CSNK2A1: variants seen among roughly 807,000 people sequenced by gnomAD.
The protein encoded by CSNK2A1 is casein kinase 2 alpha 1.
CSNK2A1 carries 10 observed loss-of-function variants against 62.9 expected under a neutral mutation model. The observed-to-expected ratio is 0.16, with a 90% confidence interval of 0.10 to 0.27. The LOEUF (loss-of-function observed/expected upper bound fraction) is 0.27. Ranked by LOEUF, CSNK2A1 falls within the 10% of genes least tolerant of loss-of-function variation. The pLI is 1.00. For synonymous variants in CSNK2A1, 124 were observed against 167.8 expected (o/e 0.74, Z 2.02); for missense variants, 160 against 492.0 (o/e 0.33, Z 6.38).
intron 2 of CSNK2A1, among the ~76,000 whole-genome samples, chr20:518,428 G>C (rs893425465): frequency 1.3e-5 from 2 of 152,180 alleles, no homozygotes; most frequent in African/African-American, 2.4e-5. Context: ...TCTTAAGCTT[G>C]TTTTAAGGTG....
rs1485319220 is a variant in CSNK2A1 at position 481,092 on chromosome 20, C to G, written c.*2869G>C. The G allele has an allele frequency of 6.6e-6, 1 of 152,164 alleles. No individual in the cohort carries two copies. The highest frequency in any genetic ancestry group is 1.9e-4 in the East Asian group (1 of 5,204). The allele number at this position is 152,164 out of a possible 1,614,324, so 9.4% of individuals were successfully genotyped here. ...GTGTCGGTTGGAGAAGCATATTGCTCAGGCTGCAGGGACATTTCATTTATT... is the reference window on the plus strand; with the variant it reads ...GTGTCGGTTGGAGAAGCATATTGCTGAGGCTGCAGGGACATTTCATTTATT... On this transcript the variant is annotated 3_prime_UTR_variant, in exon 14 of 14. Transcript: ENST00000217244.
In CSNK2A1 at chr20:537,130, A is replaced by C. The variant is rs930432916; in HGVS notation, c.-227+6542T>G. 3.3e-5 allele frequency among the ~76,000 whole-genome samples: 5 copies of C among 152,224 alleles called. No homozygotes were observed. In the East Asian group the frequency reaches 5.8e-4, roughly 18 times the overall value. ...AAATTAAAATGTTTCAGCTAATAAA[A>C]ACCTGTCAGAAAAACCCACAAGACA... On this transcript the variant is annotated intron_variant, in intron 1 of 13. Transcript: ENST00000217244.
At chr20:497,882 T>C in intron 6 of CSNK2A1, 102 bp from the exon 7 acceptor site, 9 of 1,026,010 alleles carry the variant, frequency 8.8e-6, no homozygotes, top group Non-Finnish European at 1.3e-5. Flanking sequence ...CATTTACCGT[T>C]GTTCCAAGAT....
intron 2 of CSNK2A1, among the ~76,000 whole-genome samples, chr20:518,135 C>G (rs1470583433): frequency 6.6e-6 from 1 of 152,090 alleles, no homozygotes; most frequent in Non-Finnish European, 1.5e-5. Flanking sequence ...CTGGCCCACT[C>G]ATCTTTAAAT....
At chr20:541,180 G>T (rs542932294) in intron 1 of CSNK2A1, 1 of 152,274 alleles carries the variant, frequency 6.6e-6, no homozygotes, top group East Asian at 1.9e-4. Flanking sequence ...CCCAGTTGGA[G>T]AAAGTTCTCT....
chr20:475,373 T>A lies in CSNK2A1; in HGVS notation c.*8588A>T, dbSNP rs2017826841. The A allele has an allele frequency of 6.6e-6, 1 of 151,586 alleles. No individual in the cohort carries two copies. The highest frequency in any genetic ancestry group is 2.1e-4 in the South Asian group (1 of 4,798). 9.4% of individuals were successfully genotyped at this position (151,586 alleles called of 1,614,324 possible). A position where few individuals can be genotyped will look rare whatever the true frequency, so the allele number is the denominator to read the frequency against. ...TACTTGGGAGGCTGAGGCAGGAGAA[T>A]CGCTTGAACCTGGGAGGTGGAGGTT... On this transcript the variant is annotated 3_prime_UTR_variant, in exon 14 of 14. Coordinates refer to ENST00000217244, the MANE Select transcript of CSNK2A1 (RefSeq NM_177559.3).
chr20:497,512 T>C (rs1051932567), intron 7 of CSNK2A1, among the ~76,000 whole-genome samples: 3 of 152,066 alleles, frequency 2.0e-5, no homozygotes, highest in Non-Finnish European at 4.4e-5. Context: ...GGTCTTTTGA[T>C]CTCCTGGCCT....
intron 2 of CSNK2A1, among the ~76,000 whole-genome samples, chr20:509,666 C>T (rs912591181): frequency 3.9e-5 from 6 of 152,212 alleles, no homozygotes; most frequent in African/African-American, 1.4e-4. Context: ...GCCTCAACTT[C>T]CTGGACTCCG....
chr20:488,427 T>C, intron 11 of CSNK2A1: 3 of 391,168 alleles, frequency 7.7e-6, no homozygotes, highest in Non-Finnish European at 1.4e-5. Context: ...TCTACTAGAA[T>C]CTACATTCAT....
At chr20:492,230 C>T (rs2018251107) in intron 9 of CSNK2A1, 24 bp downstream of exon 9, 2 of 1,580,206 alleles carry the variant, frequency 1.3e-6, no homozygotes, top group East Asian at 2.2e-5. Flanking sequence ...AGGATCAAAA[C>T]TGTGCCTGCC....
At position 543,760 on chromosome 20, in the gene CSNK2A1, G is replaced by A. The variant is rs1055151101; in HGVS notation, c.-315C>T. On this transcript the variant is annotated 5_prime_UTR_variant, in exon 1 of 14. Coordinates refer to ENST00000217244, the MANE Select transcript of CSNK2A1 (RefSeq NM_177559.3). Reference sequence around the variant, plus strand: ...CGATGGAGGAGGAGACACACGGCTCGGCCGCCAGCCGCAGGGACCAGAGCG... The same window carrying A: ...CGATGGAGGAGGAGACACACGGCTCAGCCGCCAGCCGCAGGGACCAGAGCG... The A allele has an allele frequency of 2.5e-6, 1 of 398,420 alleles. No homozygotes were observed. The highest frequency in any genetic ancestry group is 4.4e-6 in the Non-Finnish European group (1 of 225,972). 24.7% of individuals were successfully genotyped at this position (398,420 alleles called of 1,614,324 possible). A position where few individuals can be genotyped will look rare whatever the true frequency, so the allele number is the denominator to read the frequency against.
intron 3 of CSNK2A1, 74 bp from the exon 4 acceptor site, chr20:505,303 C>T: frequency 9.6e-7 from 1 of 1,042,452 alleles, no homozygotes; most frequent in Non-Finnish European, 1.4e-6. Context: ...AATCTATTAC[C>T]AGCAGCTGTA....
rs899144082 is a variant in CSNK2A1, at chr20:525,374, T to G, written c.-110+2559A>C. 3.3e-5 allele frequency among the ~76,000 whole-genome samples: 5 copies of G among 151,812 alleles called. No homozygotes were observed. In the East Asian group the frequency reaches 7.8e-4, roughly 24 times the overall value. On this transcript the variant is annotated intron_variant, in intron 2 of 13. Transcript: ENST00000217244. ...AAAAATAAAAATTTTAAAAATCGGC[T>G]GGGCGCAGTGGCTCACGCCTGTAAT... is the stretch of plus-strand genomic sequence containing the variant.
Position 487,468 on chromosome 20 carries a change from G to A in CSNK2A1, c.932C>T (p.Ser311Leu). Reference sequence around the variant, plus strand: ...CATTGCCTCTCTTGCAGTAAGCCGTGACTGGTGGTCATATCGCAGCAGTTT... The same window carrying A: ...CATTGCCTCTCTTGCAGTAAGCCGTAACTGGTGGTCATATCGCAGCAGTTT... The part of the protein sequence containing the change: ...LDKLLRYDHQ[S>L]RLTAREAMEH... The change falls in exon 12 of 14, where the codon TCA (serine) becomes TTA (leucine). Residue 311 changes from serine (S) to leucine (L), a missense_variant. Physicochemically the swap from Ser to Leu is moderately radical, Grantham distance 145 (BLOSUM62 -2). This residue lies in a region of CSNK2A1 where 51 missense variants were observed against 108.8 expected (regional missense o/e 0.47). Transcript: ENST00000217244. The A allele has an allele frequency of 1.9e-6, 3 of 1,614,168 alleles. No individual in the cohort carries two copies. Among genetic ancestry groups the A allele is most frequent in the Non-Finnish European group, 2.5e-6 (3 of 1,180,030 alleles).
intron 9 of CSNK2A1, among the ~76,000 whole-genome samples, chr20:490,353 G>GTTTTTTTTTTTTTTTTTTT (rs373775413): frequency 9.4e-5 from 5 of 53,444 alleles, no homozygotes; most frequent in Admixed American, 3.9e-4. Context: ...TTTTTTTTTA[G>GTTTTTTTTTTTTTTTTTTT]TTTTTTTTTT....
intron 2 of CSNK2A1, among the ~76,000 whole-genome samples, chr20:520,896 T>C (rs1375854684): frequency 3.3e-5 from 5 of 152,184 alleles, no homozygotes; most frequent in Non-Finnish European, 7.3e-5. Flanking sequence ...ATCACAGATA[T>C]CAATGTAAAA....
intron 2 of CSNK2A1, 55 bp from the exon 3 acceptor site, chr20:508,715 A>G: frequency 3.3e-6 from 2 of 610,718 alleles, no homozygotes; most frequent in Non-Finnish European, 2.8e-6. Context: ...GGTATATGGG[A>G]AGGAAATAAT....
intron 9 of CSNK2A1, among the ~76,000 whole-genome samples, chr20:490,336 T>TTTTTC (rs1491490317): frequency 2.4e-4 from 14 of 58,584 alleles, no homozygotes; most frequent in Admixed American, 8.5e-4. Context: ...TAGTTTTTTC[T>TTTTTC]TTTTTTTTTT....
In CSNK2A1 at chr20:499,166, T is replaced by C. The variant is rs2018406798; in HGVS notation, c.366+89A>G. The C allele has an allele frequency of 2.6e-6, 3 of 1,167,080 alleles. 1 individual carries two copies. Among genetic ancestry groups the C allele is most frequent in the South Asian group, 4.6e-5 (2 of 43,288 alleles). The allele number at this position is 1,167,080 out of a possible 1,614,324, so 72.3% of individuals were successfully genotyped here. ...GGATGAAAAGCTTTTTAAAAACAAA[T>C]GCGAAGCAAGCTCTTCTAACAGCAT... is the stretch of plus-strand genomic sequence containing the variant. On this transcript the variant is annotated intron_variant, in intron 6 of 13. Transcript: ENST00000217244. The surrounding 1 kb of genome is among the most constrained non-coding windows in gnomAD (Gnocchi z 4.2).
Sources: allele counts gnomAD v4.1 joint callset (sites outside exome capture counted in the v4.1 genomes callset), GRCh38; gene constraint gnomAD v4.1.1; regional missense constraint gnomAD v4.1.1; non-coding constraint Gnocchi (gnomAD v3.1); transcripts MANE v1.5; gene names NCBI Gene and HGNC (gene_info 2026-07-23, HGNC 2026-07-21).